AMD1: variants seen among roughly 807,000 people sequenced by gnomAD.
AMD1 encodes S-adenosylmethionine decarboxylase proenzyme.
Under a neutral mutation model 40.2 loss-of-function variants are expected in AMD1, and 11 were observed. That is an observed-to-expected ratio of 0.27 (90% confidence interval 0.17 to 0.45). The LOEUF (loss-of-function observed/expected upper bound fraction) is 0.45, where lower values mean the gene tolerates loss of function less well. AMD1 is among the 20% of genes least tolerant of loss of function. The pLI, the probability that AMD1 is intolerant of heterozygous loss-of-function variation, is 1.00. For missense variants in AMD1, 257 were observed against 410.2 expected (o/e 0.63, Z 3.23); for synonymous variants, 121 against 130.8 (o/e 0.93, Z 0.51).
At chr6:110,850,383 C>T in the AMD1 span, among the ~76,000 whole-genome samples, 1 of 152,104 alleles carries the variant, frequency 6.6e-6, no homozygotes, top group East Asian at 1.9e-4. Context: ...CTTGACCCTC[C>T]CTTGCCGGTG....
the AMD1 span, among the ~76,000 whole-genome samples, chr6:110,829,164 C>G: frequency 2.6e-5 from 4 of 151,310 alleles, no homozygotes; most frequent in Non-Finnish European, 5.9e-5. Context: ...GAACAAAACT[C>G]CGTCTCAAAC....
chr6:110,843,407 T>G, the AMD1 span, among the ~76,000 whole-genome samples: 1 of 146,786 alleles, frequency 6.8e-6, no homozygotes, highest in African/African-American at 2.5e-5. Context: ...GAGGTTGTAG[T>G]GAGCTGAGAT....
chr6:110,861,215 G>A, the AMD1 span, among the ~76,000 whole-genome samples: 12 of 152,134 alleles, frequency 7.9e-5, no homozygotes, highest in Admixed American at 3.3e-4. Flanking sequence ...AAAATTAGCC[G>A]GGCGTAGTGG....
At chr6:110,818,102 A>G in the AMD1 span, among the ~76,000 whole-genome samples, 2 of 152,204 alleles carry the variant, frequency 1.3e-5, no homozygotes, top group African/African-American at 4.8e-5. Context: ...ATGAAAAGCT[A>G]TTTATGTCAG....
At chr6:110,816,861 T>C in the AMD1 span, among the ~76,000 whole-genome samples, 1 of 152,174 alleles carries the variant, frequency 6.6e-6, no homozygotes, top group Non-Finnish European at 1.5e-5. Context: ...TAGCTGGGAT[T>C]ACAGGTCCGT....
the AMD1 span, among the ~76,000 whole-genome samples, chr6:110,818,022 A>G: frequency 1.3e-5 from 2 of 152,244 alleles, no homozygotes; most frequent in Non-Finnish European, 2.9e-5. Flanking sequence ...AACTAGTTTG[A>G]ATATTACAGA....
the AMD1 span, chr6:110,859,228 T>G: frequency 1.7e-6 from 1 of 595,100 alleles, no homozygotes; most frequent in Non-Finnish European, 2.8e-6. Flanking sequence ...TTTTTTTTCT[T>G]AACCTGTTCA....
At chr6:110,868,952 C>T in the AMD1 span, among the ~76,000 whole-genome samples, 1 of 151,082 alleles carries the variant, frequency 6.6e-6, no homozygotes, top group Admixed American at 6.6e-5. Context: ...CCCAGCTACT[C>T]GGGAGGCTGA....
chr6:110,888,661 A>C (rs1583220603), intron 2 of AMD1, 196 bp from the exon 3 acceptor site: 1 of 440,002 alleles, frequency 2.3e-6, no homozygotes, highest in South Asian at 3.9e-5. Flanking sequence ...AATGTTTATC[A>C]AAATGCTTAC....
the AMD1 span, among the ~76,000 whole-genome samples, chr6:110,820,316 G>A: frequency 6.7e-6 from 1 of 149,390 alleles, no homozygotes; most frequent in African/African-American, 2.5e-5. Context: ...GGCTCACCAC[G>A]ACCTCCACCT....
chr6:110,832,745 T>C, the AMD1 span, among the ~76,000 whole-genome samples: 2,604 of 152,324 alleles, frequency 0.017, 68 homozygotes, highest in African/African-American at 0.06. Flanking sequence ...ATTACCCCTC[T>C]TTGTACTTCT....
the AMD1 span, among the ~76,000 whole-genome samples, chr6:110,863,046 G>A: frequency 2.0e-5 from 3 of 151,902 alleles, no homozygotes; most frequent in African/African-American, 7.3e-5. Flanking sequence ...CCGTGTTCAC[G>A]CCATTCTCCT....
intron 1 of AMD1, among the ~76,000 whole-genome samples, chr6:110,876,921 G>A (rs879442418): frequency 6.6e-6 from 1 of 152,178 alleles, no homozygotes; most frequent in Non-Finnish European, 1.5e-5. Context: ...GTAAGTACAT[G>A]TTCTTAATAA....
chr6:110,821,110 G>A, the AMD1 span, among the ~76,000 whole-genome samples: 1 of 152,124 alleles, frequency 6.6e-6, no homozygotes, highest in African/African-American at 2.4e-5. Flanking sequence ...AGCAGTTTCA[G>A]TTTCTATGTA....
At chr6:110,865,449 AGT>A in the AMD1 span, among the ~76,000 whole-genome samples, 2 of 152,246 alleles carry the variant, frequency 1.3e-5, no homozygotes, top group African/African-American at 4.8e-5. Flanking sequence ...TCTGAAGCAC[AGT>A]GGCGTGATCT....
chr6:110,839,167 A>G, the AMD1 span, among the ~76,000 whole-genome samples: 1 of 152,194 alleles, frequency 6.6e-6, no homozygotes, highest in African/African-American at 2.4e-5. Flanking sequence ...TTTTCTATTC[A>G]TGTGCAAATG....
chr6:110,837,708 T>A, the AMD1 span, among the ~76,000 whole-genome samples: 1 of 60,576 alleles, frequency 1.7e-5, no homozygotes, highest in African/African-American at 7.0e-5. Context: ...CGAAACTCCA[T>A]CTCAGAAAAA....
the AMD1 span, among the ~76,000 whole-genome samples, chr6:110,842,302 A>G: frequency 6.6e-6 from 1 of 152,230 alleles, no homozygotes; most frequent in Non-Finnish European, 1.5e-5. Flanking sequence ...ATATCCCTCC[A>G]GACCAGGGGG....
the AMD1 span, among the ~76,000 whole-genome samples, chr6:110,845,968 G>A: frequency 0.091 from 13,869 of 152,268 alleles, 942 homozygotes; most frequent in East Asian, 0.33. Flanking sequence ...TAGGCCGGGC[G>A]TGATGGCTCA....
Sources: allele counts gnomAD v4.1 joint callset (sites outside exome capture counted in the v4.1 genomes callset), GRCh38; gene constraint gnomAD v4.1.1; transcripts MANE v1.5; gene names NCBI Gene and HGNC (gene_info 2026-07-23, HGNC 2026-07-21).